The following GNPAT variants were observed in gnomAD, a reference collection of about 807,000 sequenced individuals.
GNPAT encodes glyceronephosphate O-acyltransferase.
Under a neutral mutation model 78.4 loss-of-function variants are expected in GNPAT, and 30 were observed. That is an observed-to-expected ratio of 0.38 (90% CI 0.29 to 0.52). The LOEUF (loss-of-function observed/expected upper bound fraction) is 0.52, where lower values mean the gene tolerates loss of function less well. Ranked by LOEUF, GNPAT falls within the 20% of genes least tolerant of loss-of-function variation. GNPAT has a pLI of 0.84. For missense variants in GNPAT, 714 were observed against 812.2 expected (o/e 0.88, Z 1.47); for synonymous variants, 271 against 281.1 (o/e 0.96, Z 0.36).
At chr1:231,241,618 T>C (rs1314041344) in intron 1 of GNPAT, among the ~76,000 whole-genome samples, 162 bp downstream of exon 1, 1 of 152,250 alleles carries the variant, frequency 6.6e-6, no homozygotes, top group Non-Finnish European at 1.5e-5. Context: ...GACAACAGTG[T>C]ATCGCTGTGT....
chr1:231,268,029 G>A lies in GNPAT; in HGVS notation c.1279+126G>A, dbSNP rs112792114. 9,209 of 727,060 alleles carry A rather than the reference G, an allele frequency of 0.013. 130 individuals are homozygous for A. Among genetic ancestry groups the A allele is most frequent in the African/African-American group, 0.052 (3,003 of 57,776 alleles). The allele number at this position is 727,060 out of a possible 1,614,324, so 45.0% of individuals were successfully genotyped here. The stretch of plus-strand genomic sequence containing the variant: ...CAGAAAGAGAAAGGACAGGCCGGGC[G>A]CGGTGGTTCACACCTGTAATCCCAG... On this transcript the variant is annotated intron_variant, in intron 9 of 15. Coordinates refer to ENST00000366647, the MANE Select transcript of GNPAT (RefSeq NM_014236.4).
In GNPAT at chr1:231,260,643, T is replaced by C. The variant is rs779789017; in HGVS notation, c.398T>C (p.Ile133Thr). ...AFTLSKVFKQ[I>T]FSKVCVNEEG... ...ACCCTGAGCAAAGTATTTAAACAAA[T>C]TTTCTCGAAGGTGTGTGTAAATGAA... The change falls in exon 3 of 16, where the codon ATT becomes ACT. Residue 133 changes from isoleucine to threonine, a missense_variant. Physicochemically the swap from Ile to Thr is moderately conservative, Grantham distance 89. Transcript: ENST00000366647. 3 of 1,613,126 alleles carry C rather than the reference T, an allele frequency of 1.9e-6. No individual in the cohort carries two copies. The highest frequency in any genetic ancestry group is 2.5e-6 in the Non-Finnish European group (3 of 1,179,278).
intron 2 of GNPAT, among the ~76,000 whole-genome samples, chr1:231,258,822 A>G (rs1452375636): frequency 6.6e-6 from 1 of 150,680 alleles, no homozygotes; most frequent in Non-Finnish European, 1.5e-5. Context: ...ATTCTTTAGT[A>G]GAGACGGGGT....
At chr1:231,249,852 T>A (rs927258238) in intron 1 of GNPAT, among the ~76,000 whole-genome samples, 6 of 152,138 alleles carry the variant, frequency 3.9e-5, no homozygotes, top group Non-Finnish European at 8.8e-5. Flanking sequence ...AAGTACTTTT[T>A]AAAAAATTAA....
chr1:231,253,075 T>G (rs1015803871), intron 2 of GNPAT, among the ~76,000 whole-genome samples: 1 of 152,140 alleles, frequency 6.6e-6, no homozygotes, highest in Non-Finnish European at 1.5e-5. Context: ...TTCATGCCAT[T>G]CTCCTGCCTC....
At chr1:231,272,943 C>T (rs1054993036) in intron 11 of GNPAT, among the ~76,000 whole-genome samples, 1 of 152,056 alleles carries the variant, frequency 6.6e-6, no homozygotes, top group African/African-American at 2.4e-5. Flanking sequence ...CCACTGCACT[C>T]CAGCCTGGTG....
At position 231,276,004 on chromosome 1, in the gene GNPAT, C is replaced by T. The variant is rs1010908855; in HGVS notation, c.1938-131C>T. The T allele has an allele frequency of 6.4e-6, 4 of 627,836 alleles. No individual in the cohort carries two copies. The East Asian group carries it at 8.5e-5, about 13-fold the overall frequency. The allele number at this position is 627,836 out of a possible 1,614,324, so 38.9% of individuals were successfully genotyped here. On this transcript the variant is annotated intron_variant, in intron 14 of 15. Transcript: ENST00000366647. Reference sequence around the variant, plus strand: ...GGTGGGACAGGAGCCTGAGGCCTTTCGACTACTTAGGCCCAGCCTTGAGGA... The same window carrying T: ...GGTGGGACAGGAGCCTGAGGCCTTTTGACTACTTAGGCCCAGCCTTGAGGA...
At chr1:231,255,453 T>G (rs1361737319) in intron 2 of GNPAT, among the ~76,000 whole-genome samples, 2 of 152,124 alleles carry the variant, frequency 1.3e-5, no homozygotes, top group African/African-American at 4.8e-5. Context: ...AGAGACAGGA[T>G]CTCTCTGTCA....
chr1:231,251,884 A>G (rs1209587848), intron 2 of GNPAT, among the ~76,000 whole-genome samples: 4 of 152,184 alleles, frequency 2.6e-5, no homozygotes, highest in Non-Finnish European at 5.9e-5. Context: ...TCCCCTTAGA[A>G]TCACCTGTAG....
Position 231,262,651 on chromosome 1 carries a change from G to A in GNPAT, c.439-72G>A, listed in dbSNP as rs1416639393. The A allele has an allele frequency of 2.1e-5, 26 of 1,218,746 alleles. No homozygotes were observed. The Admixed American group carries it at 2.2e-4, about 10-fold the overall frequency. 75.5% of individuals were successfully genotyped at this position (1,218,746 alleles called of 1,614,324 possible). On this transcript the variant is annotated intron_variant, in intron 3 of 15. Coordinates refer to ENST00000366647, the MANE Select transcript of GNPAT (RefSeq NM_014236.4). ...CCTCTAAATATAGACTTATTCTTCC[G>A]TTTTCTGATTTGAGATGTGATTTGA...
chr1:231,272,251 T>G, intron 10 of GNPAT, 61 bp from the exon 11 acceptor site: 1 of 841,688 alleles, frequency 1.2e-6, no homozygotes, highest in Non-Finnish European at 2.1e-6. Context: ...AAGGACTTCC[T>G]GGTACTCCCT....
chr1:231,242,620 C>T (rs1382276364), intron 1 of GNPAT, among the ~76,000 whole-genome samples: 1 of 152,188 alleles, frequency 6.6e-6, no homozygotes, highest in African/African-American at 2.4e-5. Context: ...TCTGCTACTC[C>T]AGAGCAGGCA....
At chr1:231,255,511 ACTC>A (rs1685028584) in intron 2 of GNPAT, among the ~76,000 whole-genome samples, 1 of 151,568 alleles carries the variant, frequency 6.6e-6, no homozygotes, top group Non-Finnish European at 1.5e-5. Flanking sequence ...GTAACCTTGA[ACTC>A]CTGGGCTCAA....
chr1:231,267,049 T>C (rs966926811), intron 8 of GNPAT, among the ~76,000 whole-genome samples: 15 of 152,346 alleles, frequency 9.8e-5, no homozygotes, highest in African/African-American at 3.1e-4. Flanking sequence ...TGTTAGTTTT[T>C]TTCCTGACAC....
In GNPAT at chr1:231,277,569, C is replaced by G. The variant is rs774351267; in HGVS notation, c.*27C>G. ...AATCAACAAATAGTTATGGAAAATTCGGTCACGTAATTACTCTCATCGAAG... is the reference window on the plus strand; with the variant it reads ...AATCAACAAATAGTTATGGAAAATTGGGTCACGTAATTACTCTCATCGAAG... On this transcript the variant is annotated 3_prime_UTR_variant, in exon 16 of 16. Coordinates refer to ENST00000366647, the MANE Select transcript of GNPAT (RefSeq NM_014236.4). The G allele has an allele frequency of 1.4e-6, 2 of 1,430,920 alleles. No homozygotes were observed. Among genetic ancestry groups the G allele is most frequent in the East Asian group, 4.5e-5 (2 of 44,044 alleles). The allele number at this position is 1,430,920 out of a possible 1,614,324, so 88.6% of individuals were successfully genotyped here.
intron 3 of GNPAT, among the ~76,000 whole-genome samples, chr1:231,261,353 C>T (rs898959174): frequency 3.3e-5 from 5 of 149,832 alleles, no homozygotes; most frequent in Non-Finnish European, 7.4e-5. Flanking sequence ...TTTTAAAGAA[C>T]AGGCTAATTA....
intron 1 of GNPAT, among the ~76,000 whole-genome samples, chr1:231,248,657 G>A (rs993515279): frequency 9.9e-5 from 15 of 151,944 alleles, no homozygotes; most frequent in Admixed American, 5.2e-4. Context: ...CTATATATAC[G>A]TATAAACACA....
intron 1 of GNPAT, 59 bp downstream of exon 1, chr1:231,241,515 C>T (rs897017318): frequency 8.2e-7 from 1 of 1,217,502 alleles, no homozygotes; most frequent in Non-Finnish European, 1.2e-6. Context: ...ACCCCTTTCT[C>T]CCAGTCCCTA....
intron 11 of GNPAT, 88 bp downstream of exon 11, chr1:231,272,479 T>C (rs1003086208): frequency 7.7e-6 from 6 of 775,770 alleles, no homozygotes; most frequent in African/African-American, 6.8e-5. Flanking sequence ...TCTCAGGCAG[T>C]GTGCCATCCC....
Sources: gnomAD v4.1 joint callset for allele counts (sites outside exome capture counted in the v4.1 genomes callset) on GRCh38, gnomAD v4.1.1 for gene constraint, MANE v1.5 for transcripts, NCBI Gene and HGNC (gene_info 2026-07-23, HGNC 2026-07-21) for gene names.